FSIP1: variants seen among roughly 807,000 people sequenced by gnomAD.
The protein encoded by FSIP1 is fibrous sheath-interacting protein 1.
In FSIP1, 65 loss-of-function variants were observed where a neutral mutation model predicts 60.9. The observed-to-expected ratio is 1.07, with a 90% CI of 0.87 to 1.31. FSIP1 has a LOEUF of 1.31. FSIP1 is among the 40% of genes most tolerant of loss of function. FSIP1 has a pLI of 0.00. For missense variants in FSIP1, 675 were observed against 665.5 expected (o/e 1.01, Z -0.16); for synonymous variants, 209 against 221.2 (o/e 0.94, Z 0.49).
chr15:39,680,063 C>T (rs1894098848), intron 10 of FSIP1, among the ~76,000 whole-genome samples: 1 of 152,102 alleles, frequency 6.6e-6, no homozygotes, highest in African/African-American at 2.4e-5. Context: ...CCTCTTAAAA[C>T]ATGCCAGTGA....
At chr15:39,737,795 G>C (rs1211564509) in intron 8 of FSIP1, among the ~76,000 whole-genome samples, 1 of 152,082 alleles carries the variant, frequency 6.6e-6, no homozygotes, top group Admixed American at 6.6e-5. Context: ...GTACTCATTA[G>C]TTATTTTTCC....
At chr15:39,701,803 G>A (rs989339867) in intron 10 of FSIP1, among the ~76,000 whole-genome samples, 1 of 152,196 alleles carries the variant, frequency 6.6e-6, no homozygotes, top group Non-Finnish European at 1.5e-5. Flanking sequence ...GATTGCTCAT[G>A]ATAGTTTATT....
At chr15:39,753,968 T>C (rs1166283460) in intron 5 of FSIP1, among the ~76,000 whole-genome samples, 1 of 151,852 alleles carries the variant, frequency 6.6e-6, no homozygotes, top group South Asian at 2.1e-4. Flanking sequence ...CTAACAGATG[T>C]ATGAAACCTG....
At chr15:39,675,104 T>C (rs920594182) in intron 10 of FSIP1, among the ~76,000 whole-genome samples, 11 of 152,138 alleles carry the variant, frequency 7.2e-5, no homozygotes, top group South Asian at 2.1e-4. Flanking sequence ...TTGACCTCAT[T>C]AGTGATCAGG....
chr15:39,774,705 T>C (rs1401846933), intron 2 of FSIP1, among the ~76,000 whole-genome samples: 1 of 152,222 alleles, frequency 6.6e-6, no homozygotes, highest in Non-Finnish European at 1.5e-5. Context: ...TCCAATTAGA[T>C]GAACCTGCAC....
At position 39,726,852 on chromosome 15, in the gene FSIP1, AACAC is replaced by A. The variant is rs3065147; in HGVS notation, c.892-109_892-106del. The A allele has an allele frequency of 6.4e-4, 392 of 617,312 alleles. 2 individuals are homozygous for A. The highest frequency in any genetic ancestry group is 1.8e-3 in the Middle Eastern group (6 of 3,260). The allele number at this position is 617,312 out of a possible 1,614,324, so 38.2% of individuals were successfully genotyped here. On this transcript the variant is annotated intron_variant, in intron 8 of 11. Transcript: ENST00000350221. ...GCCCAGGTCTTCACATACACACACA[AACAC>A]ACACACACACACACACAACACACAC...
intron 10 of FSIP1, among the ~76,000 whole-genome samples, chr15:39,632,753 C>G (rs1425081623): frequency 6.6e-6 from 1 of 152,004 alleles, no homozygotes; most frequent in Admixed American, 6.5e-5. Flanking sequence ...AGATCGGCCA[C>G]TGCACTCCAA....
intron 2 of FSIP1, among the ~76,000 whole-genome samples, chr15:39,770,934 C>T (rs1409557972): frequency 1.3e-5 from 2 of 152,184 alleles, no homozygotes; most frequent in African/African-American, 4.8e-5. Context: ...CTGGGATGGG[C>T]AGTCAAAGGT....
intron 10 of FSIP1, among the ~76,000 whole-genome samples, chr15:39,692,539 C>T (rs752685254): frequency 6.6e-6 from 1 of 152,000 alleles, no homozygotes; most frequent in African/African-American, 2.4e-5. Flanking sequence ...CAGTTTAATC[C>T]CATCACATAA....
intron 10 of FSIP1, among the ~76,000 whole-genome samples, chr15:39,651,378 G>A (rs781775321): frequency 1.2e-4 from 18 of 152,162 alleles, no homozygotes; most frequent in Non-Finnish European, 1.3e-4. Flanking sequence ...AATGCAAAAT[G>A]ACAAGCAACT....
intron 8 of FSIP1, among the ~76,000 whole-genome samples, chr15:39,731,685 C>A (rs146489840): frequency 6.6e-6 from 1 of 152,180 alleles, no homozygotes; most frequent in African/African-American, 2.4e-5. Context: ...GAACTTCTAG[C>A]TTTTAGGAAA....
At chr15:39,604,364 G>A (rs1176087168) in intron 11 of FSIP1, among the ~76,000 whole-genome samples, 2 of 152,158 alleles carry the variant, frequency 1.3e-5, no homozygotes, top group Non-Finnish European at 2.9e-5. Flanking sequence ...AGAACCAGAA[G>A]TTTCCAATAA....
chr15:39,617,474 C>T (rs1891273606), intron 11 of FSIP1, among the ~76,000 whole-genome samples: 1 of 152,202 alleles, frequency 6.6e-6, no homozygotes, highest in South Asian at 2.1e-4. Flanking sequence ...AAACTAATTT[C>T]TCTTTTCCTG....
rs149609408 is a variant in FSIP1, at chr15:39,709,054, T to C, written c.1188+4390A>G. On this transcript the variant is annotated intron_variant, in intron 10 of 11. Coordinates refer to ENST00000350221, the MANE Select transcript of FSIP1 (RefSeq NM_152597.5). ...CAGTCTTGACCAAGACAAATGTGTA[T>C]CAGCAGCCTCAGCCTAACCCTGAAA... 5.0e-3 allele frequency among the ~76,000 whole-genome samples: 756 copies of C among 152,308 alleles called. 4 individuals are homozygous for C. The highest frequency in any genetic ancestry group is 7.9e-3 in the Non-Finnish European group (538 of 68,024).
chr15:39,602,335 C>T (rs751787552), intron 11 of FSIP1: 5 of 456,356 alleles, frequency 1.1e-5, no homozygotes, highest in South Asian at 7.7e-5. Flanking sequence ...AGCGTTCTAG[C>T]GTTCTCTCCT....
chr15:39,756,695 C>T (rs1897310961), intron 5 of FSIP1, among the ~76,000 whole-genome samples: 1 of 151,928 alleles, frequency 6.6e-6, no homozygotes, highest in Admixed American at 6.6e-5. Flanking sequence ...AAATATCCAT[C>T]CTAAGAATTT....
chr15:39,721,011 C>T (rs1294908551), intron 9 of FSIP1, among the ~76,000 whole-genome samples: 5 of 152,204 alleles, frequency 3.3e-5, no homozygotes, highest in African/African-American at 4.8e-5. Flanking sequence ...AAATCAGATA[C>T]GTAAAAGCCA....
chr15:39,766,437 AT>A (rs1420813049), intron 3 of FSIP1, among the ~76,000 whole-genome samples: 2 of 152,218 alleles, frequency 1.3e-5, no homozygotes, highest in South Asian at 2.1e-4. Context: ...TAAGTGCTTT[AT>A]TTTTAAACTT....
At chr15:39,699,844 C>T (rs1465979145) in intron 10 of FSIP1, among the ~76,000 whole-genome samples, 2 of 152,144 alleles carry the variant, frequency 1.3e-5, no homozygotes, top group Admixed American at 1.3e-4. Flanking sequence ...ATCACTGCCA[C>T]TAGAAGATAT....
Sources: allele counts gnomAD v4.1 joint callset (sites outside exome capture counted in the v4.1 genomes callset), GRCh38; gene constraint gnomAD v4.1.1; transcripts MANE v1.5; gene names NCBI Gene and HGNC (gene_info 2026-07-23, HGNC 2026-07-21).